Variants in TGFB2 observed in about 807,000 individuals in gnomAD.
The protein encoded by TGFB2 is transforming growth factor beta 2, also known as transforming growth factor beta-2 proprotein.
TGFB2 carries 13 observed loss-of-function variants against 42.7 expected under a neutral mutation model. The observed-to-expected ratio is 0.30, with a 90% CI of 0.20 to 0.48. The LOEUF is 0.48. TGFB2 is among the 20% of genes least tolerant of loss of function. The pLI is 0.99. For missense variants in TGFB2, 390 were observed against 517.5 expected (o/e 0.75, Z 2.39); for synonymous variants, 193 against 193.6 (o/e 1.00, Z 0.03).
At chr1:218,359,657 T>C (rs765756945) in intron 1 of TGFB2, among the ~76,000 whole-genome samples, 8 of 152,214 alleles carry the variant, frequency 5.3e-5, no homozygotes, top group Non-Finnish European at 1.2e-4. Context: ...GTTTTCCCTT[T>C]CTTGCTGAGA....
intron 6 of TGFB2, among the ~76,000 whole-genome samples, chr1:218,439,923 A>G (rs1387296045): frequency 6.6e-6 from 1 of 152,202 alleles, no homozygotes; most frequent in Non-Finnish European, 1.5e-5. Flanking sequence ...GCTGTGCTGA[A>G]CAGATCTTCT....
intron 2 of TGFB2, among the ~76,000 whole-genome samples, chr1:218,421,377 T>G (rs200128203): frequency 0.22 from 33,689 of 150,744 alleles, 4,160 homozygotes; most frequent in East Asian, 0.55. Flanking sequence ...GAAGCAGTTT[T>G]TTTTTTTTTT....
intron 1 of TGFB2, among the ~76,000 whole-genome samples, chr1:218,367,836 G>A (rs191630702): frequency 2.0e-5 from 3 of 151,960 alleles, no homozygotes; most frequent in East Asian, 1.9e-4. Flanking sequence ...CTCGCTCCTC[G>A]CTCTGTCACC....
At chr1:218,388,118 G>A (rs1658196776) in intron 1 of TGFB2, among the ~76,000 whole-genome samples, 1 of 152,214 alleles carries the variant, frequency 6.6e-6, no homozygotes, top group Non-Finnish European at 1.5e-5. Context: ...GTAGAGCTAT[G>A]GAGAAGGCAC....
At position 218,441,576 on chromosome 1, in the gene TGFB2, A is replaced by T. The variant is rs1571908054; in HGVS notation, c.*214A>T. 3 of 409,300 alleles carry T rather than the reference A, an allele frequency of 7.3e-6. No individual in the cohort carries two copies. Among genetic ancestry groups the T allele is most frequent in the East Asian group, 7.9e-5 (2 of 25,380 alleles). The allele number at this position is 409,300 out of a possible 1,614,324, so 25.4% of individuals were successfully genotyped here. The stretch of plus-strand genomic sequence containing the variant: ...TGACACAAAAAAAGTTGAAGGCCTT[A>T]TTCTACATTTCACCTACTTTGTAAG... On this transcript the variant is annotated 3_prime_UTR_variant, in exon 7 of 7. Coordinates refer to ENST00000366930, the MANE Select transcript of TGFB2 (RefSeq NM_003238.6).
At chr1:218,411,268 C>T (rs984345745) in intron 2 of TGFB2, among the ~76,000 whole-genome samples, 4 of 152,194 alleles carry the variant, frequency 2.6e-5, no homozygotes, top group Admixed American at 1.3e-4. Flanking sequence ...TTTTGTTATA[C>T]TTCACAAGTT....
intron 1 of TGFB2, among the ~76,000 whole-genome samples, chr1:218,358,447 CCTAT>C (rs1355747030): frequency 2.6e-5 from 4 of 151,966 alleles, no homozygotes; most frequent in Admixed American, 2.6e-4. Context: ...CATTTATTCC[CCTAT>C]CTATTGGCTT....
intron 2 of TGFB2, among the ~76,000 whole-genome samples, chr1:218,422,648 A>G (rs1659495423): frequency 2.0e-5 from 3 of 152,122 alleles, no homozygotes; most frequent in Non-Finnish European, 2.9e-5. Context: ...CCCTGACCTC[A>G]TCTACCTGGC....
chr1:218,388,924 T>A (rs957171577), intron 1 of TGFB2, among the ~76,000 whole-genome samples: 3 of 152,208 alleles, frequency 2.0e-5, no homozygotes, highest in Non-Finnish European at 4.4e-5. Flanking sequence ...CTCAGCTGAA[T>A]GTGCTTGCCC....
At chr1:218,361,552 C>T (rs1280085704) in intron 1 of TGFB2, among the ~76,000 whole-genome samples, 1 of 152,154 alleles carries the variant, frequency 6.6e-6, no homozygotes, top group East Asian at 1.9e-4. Flanking sequence ...CCAGGAAAAG[C>T]ACTTAAATCC....
chr1:218,347,847 G>A (rs1656740443), intron 1 of TGFB2, among the ~76,000 whole-genome samples: 1 of 151,800 alleles, frequency 6.6e-6, no homozygotes, highest in African/African-American at 2.4e-5. Context: ...TTTTTCTTAC[G>A]GGTCTGTTAT....
chr1:218,402,886 G>T (rs1267288003), intron 1 of TGFB2, among the ~76,000 whole-genome samples: 2 of 152,258 alleles, frequency 1.3e-5, no homozygotes, highest in Non-Finnish European at 2.9e-5. Flanking sequence ...GGTGTGCAAT[G>T]CCAGAAAGCC....
intron 2 of TGFB2, among the ~76,000 whole-genome samples, chr1:218,412,483 A>G (rs1299162044): frequency 6.6e-6 from 1 of 152,250 alleles, no homozygotes; most frequent in Non-Finnish European, 1.5e-5. Context: ...GTATTACGTC[A>G]GAACGACCTT....
intron 1 of TGFB2, among the ~76,000 whole-genome samples, chr1:218,396,282 G>T (rs1188969541): frequency 6.6e-6 from 1 of 152,230 alleles, no homozygotes; most frequent in Non-Finnish European, 1.5e-5. Context: ...TGCAGGGGGT[G>T]AGTAAACAAA....
At chr1:218,356,825 C>G (rs745550859) in intron 1 of TGFB2, among the ~76,000 whole-genome samples, 2 of 152,166 alleles carry the variant, frequency 1.3e-5, no homozygotes, top group African/African-American at 4.8e-5. Flanking sequence ...ATCTCACCTC[C>G]GCAACCAAGC....
At chr1:218,377,955 AGTGTGTTTGTTT>A (rs887582698) in intron 1 of TGFB2, among the ~76,000 whole-genome samples, 1 of 148,378 alleles carries the variant, frequency 6.7e-6, no homozygotes, top group African/African-American at 2.6e-5. Flanking sequence ...CATATATTAT[AGTGTGTTTGTTT>A]GTTTGTTTGT....
chr1:218,383,563 A>C (rs1489044475), intron 1 of TGFB2, among the ~76,000 whole-genome samples: 1 of 152,134 alleles, frequency 6.6e-6, no homozygotes, highest in Non-Finnish European at 1.5e-5. Flanking sequence ...GAGTGTCCTC[A>C]GGTGTTCATT....
chr1:218,422,200 G>GT (rs1040607661), intron 2 of TGFB2, among the ~76,000 whole-genome samples: 28 of 150,992 alleles, frequency 1.9e-4, no homozygotes, highest in South Asian at 4.2e-4. Context: ...CTTTCTTCTT[G>GT]TTTTTTTTGT....
At chr1:218,404,718 A>G (rs187178338) in intron 1 of TGFB2, among the ~76,000 whole-genome samples, 13 of 152,370 alleles carry the variant, frequency 8.5e-5, no homozygotes, top group Non-Finnish European at 1.6e-4. Flanking sequence ...GGTTAAAAAA[A>G]GATTATTTGG....
Sources: allele counts gnomAD v4.1 joint callset (sites outside exome capture counted in the v4.1 genomes callset), GRCh38; gene constraint gnomAD v4.1.1; transcripts MANE v1.5; gene names NCBI Gene and HGNC (gene_info 2026-07-23, HGNC 2026-07-21).